The following GUCY2F variants were observed in gnomAD, a reference collection of about 807,000 sequenced individuals.
GUCY2F encodes guanylate cyclase 2F, retinal.
GUCY2F carries 61 observed loss-of-function variants against 73.1 expected under a neutral mutation model. The ratio of observed to expected loss-of-function variants is 0.83; its 90% CI spans 0.68 to 1.03. The LOEUF is 1.03. Among genes scored for constraint, GUCY2F ranks in the 50% least tolerant of loss-of-function variants. GUCY2F has a pLI of 0.00. For missense variants in GUCY2F, 912 were observed against 854.3 expected, an observed-to-expected ratio of 1.07 and a Z score of -0.84; for synonymous variants, 331 against 307.8, an observed-to-expected ratio of 1.08 and a Z score of -0.79.
chrX:109,401,945 C>A (rs890666237), intron 10 of GUCY2F, among the ~76,000 whole-genome samples: 7 of 111,207 alleles, frequency 6.3e-5, no homozygotes, highest in African/African-American at 2.3e-4. Flanking sequence ...TCAGCATGGC[C>A]AGAGCATAAA....
chrX:109,435,108 G>T (rs758082021), intron 7 of GUCY2F, among the ~76,000 whole-genome samples: 4 of 111,202 alleles, frequency 3.6e-5, no homozygotes, highest in African/African-American at 1.3e-4. Context: ...TTGGCAATGC[G>T]GGCTCTTTTT....
At chrX:109,446,114 G>A (rs1296342937) in intron 6 of GUCY2F, among the ~76,000 whole-genome samples, 3 of 111,671 alleles carry the variant, frequency 2.7e-5, no homozygotes, top group Non-Finnish European at 3.8e-5. Flanking sequence ...ACTGCTCAAC[G>A]AAATAAAAGA....
At chrX:109,384,796 GT>G (rs766577993) in intron 16 of GUCY2F, among the ~76,000 whole-genome samples, 1 of 111,515 alleles carries the variant, frequency 9.0e-6, no homozygotes, top group South Asian at 3.8e-4. Context: ...CCACAAACTA[GT>G]TGAAAAATGG....
chrX:109,443,404 C>G (rs1244372205), intron 6 of GUCY2F, among the ~76,000 whole-genome samples: 1 of 111,571 alleles, frequency 9.0e-6, no homozygotes, highest in Non-Finnish European at 1.9e-5. Context: ...AGCCCTCTTA[C>G]TATTCATTTT....
intron 3 of GUCY2F, 145 bp downstream of exon 3, chrX:109,464,997 G>T: frequency 2.2e-6 from 1 of 461,257 alleles, no homozygotes; most frequent in Non-Finnish European, 3.7e-6. Context: ...AATGTTTTCA[G>T]CAAACTAAAG....
At chrX:109,435,682 G>C (rs1931726200) in intron 7 of GUCY2F, among the ~76,000 whole-genome samples, 1 of 110,883 alleles carries the variant, frequency 9.0e-6, no homozygotes, top group Admixed American at 9.6e-5. Flanking sequence ...GGAGTGGTGA[G>C]AGAGGGCATC....
chrX:109,476,728 AGAT>A (rs1344295950), intron 1 of GUCY2F, among the ~76,000 whole-genome samples: 4 of 30,045 alleles, frequency 1.3e-4, no homozygotes, highest in Non-Finnish European at 3.0e-4. Context: ...AGGTAAAGAT[AGAT>A]AGATAGATAG....
intron 2 of GUCY2F, among the ~76,000 whole-genome samples, chrX:109,470,572 G>T (rs1932554260): frequency 1.8e-5 from 2 of 111,734 alleles, no homozygotes; most frequent in African/African-American, 6.5e-5. Flanking sequence ...GATCTCAAGT[G>T]AGTATGCTTC....
chrX:109,423,024 A>T (rs1195402744), intron 8 of GUCY2F, among the ~76,000 whole-genome samples: 1 of 112,494 alleles, frequency 8.9e-6, no homozygotes, highest in Non-Finnish European at 1.9e-5. Context: ...AAGGAGCAAA[A>T]TTAATGCAAG....
chrX:109,377,714 C>A (rs1485677458), intron 17 of GUCY2F, among the ~76,000 whole-genome samples: 1 of 111,743 alleles, frequency 8.9e-6, no homozygotes, highest in Admixed American at 9.5e-5. Flanking sequence ...CACCCTCAGC[C>A]ATATTTGACT....
In GUCY2F at chrX:109,452,167, G is replaced by A. The variant is rs1339394672; in HGVS notation, c.1388-60C>T. 7.8e-6 allele frequency: 5 copies of A among 643,957 alleles called. No homozygotes were observed. In the Admixed American group the frequency reaches 1.2e-4, roughly 15 times the overall value. 53.1% of individuals were successfully genotyped at this position (643,957 alleles called of 1,213,427 possible). A position where few individuals can be genotyped will look rare whatever the true frequency, so the allele number is the denominator to read the frequency against. On this transcript the variant is annotated intron_variant, in intron 4 of 19. Coordinates refer to ENST00000218006, the MANE Select transcript of GUCY2F (RefSeq NM_001522.3). The stretch of plus-strand genomic sequence containing the variant: ...TATCAGAGAGAGGCAGTAAATAAAG[G>A]GCACCACAGAGTGACTCCTCATGCT...
At chrX:109,469,944 G>A (rs760437953) in intron 2 of GUCY2F, among the ~76,000 whole-genome samples, 36 of 111,701 alleles carry the variant, frequency 3.2e-4, no homozygotes, top group South Asian at 7.6e-4. Flanking sequence ...TACCCCACAC[G>A]TTTTTGGCCA....
intron 8 of GUCY2F, among the ~76,000 whole-genome samples, chrX:109,429,425 AAAAAG>A (rs1419577170): frequency 1.8e-5 from 2 of 110,308 alleles, no homozygotes; most frequent in Non-Finnish European, 3.8e-5. Context: ...AAAAAAAAAA[AAAAAG>A]AAAAGAAAGA....
intron 3 of GUCY2F, 122 bp from the exon 4 acceptor site, chrX:109,453,981 C>T (rs1484648767): frequency 2.7e-6 from 1 of 377,288 alleles, no homozygotes; most frequent in African/African-American, 2.6e-5. Flanking sequence ...CTATGAAGAC[C>T]CAGAGGAAAA....
intron 7 of GUCY2F, among the ~76,000 whole-genome samples, chrX:109,434,026 C>T (rs761367962): frequency 9.1e-6 from 1 of 110,020 alleles, no homozygotes; most frequent in African/African-American, 3.3e-5. Flanking sequence ...AGGGAGGCGG[C>T]AGGGAGAGAG....
chrX:109,375,299 T>C, intron 19 of GUCY2F, among the ~76,000 whole-genome samples: 1 of 111,876 alleles, frequency 8.9e-6, no homozygotes, highest in Non-Finnish European at 1.9e-5. Flanking sequence ...TAGATGGTTG[T>C]TGCTGCTTCA....
chrX:109,377,325 G>A (rs1475751666), intron 17 of GUCY2F, among the ~76,000 whole-genome samples: 2 of 111,471 alleles, frequency 1.8e-5, no homozygotes, highest in Middle Eastern at 4.6e-3. Context: ...TGGACTATTT[G>A]AGCCCACTCT....
At chrX:109,422,935 T>C (rs893991485) in intron 8 of GUCY2F, among the ~76,000 whole-genome samples, 4 of 112,626 alleles carry the variant, frequency 3.6e-5, no homozygotes, top group African/African-American at 1.3e-4. Flanking sequence ...TACTTAGCAA[T>C]AAAAAGGAAC....
chrX:109,456,821 G>A (rs924062754), intron 3 of GUCY2F, among the ~76,000 whole-genome samples: 2 of 111,857 alleles, frequency 1.8e-5, no homozygotes, highest in Non-Finnish European at 3.8e-5. Context: ...CTTCAGCAAA[G>A]GGAATTGCCT....
Sources: allele counts gnomAD v4.1 joint callset (sites outside exome capture counted in the v4.1 genomes callset), GRCh38; gene constraint gnomAD v4.1.1; transcripts MANE v1.5; gene names NCBI Gene and HGNC (gene_info 2026-07-23, HGNC 2026-07-21).